CTNNA2: variants seen among roughly 807,000 people sequenced by gnomAD.
CTNNA2 encodes the protein catenin alpha-2.
A neutral mutation model predicts 101.0 loss-of-function variants in CTNNA2; 42 were observed. That is an observed-to-expected ratio of 0.42 (90% CI 0.32 to 0.54). The LOEUF is 0.54. Ranked by LOEUF, CTNNA2 falls within the 20% of genes least tolerant of loss-of-function variation. The probability of loss-of-function intolerance (pLI) is 0.14; values close to 1 mark genes in which losing one functional copy is unlikely to be tolerated. For missense variants in CTNNA2, 871 were observed against 1,223.1 expected (o/e 0.71, Z 4.29); for synonymous variants, 450 against 456.4 (o/e 0.99, Z 0.18).
intron 15 of CTNNA2, among the ~76,000 whole-genome samples, chr2:80,596,738 T>C (rs1469561309): frequency 1.3e-5 from 2 of 152,140 alleles, no homozygotes; most frequent in African/African-American, 2.4e-5. Context: ...GAACTTCCAA[T>C]ACTATGTTGA....
intron 7 of CTNNA2, among the ~76,000 whole-genome samples, chr2:79,939,250 G>T (rs562287997): frequency 4.3e-4 from 65 of 152,280 alleles, no homozygotes; most frequent in African/African-American, 1.4e-3. Context: ...TGTAGACATG[G>T]GTAGCTGAAG....
intron 7 of CTNNA2, among the ~76,000 whole-genome samples, chr2:80,212,053 T>G (rs773882308): frequency 6.6e-6 from 1 of 152,230 alleles, no homozygotes; most frequent in African/African-American, 2.4e-5. Flanking sequence ...CTAGTGATTT[T>G]TGCACATTTA....
chr2:79,662,910 C>G (rs975444006), intron 2 of CTNNA2, among the ~76,000 whole-genome samples: 1 of 152,192 alleles, frequency 6.6e-6, no homozygotes, highest in Admixed American at 6.5e-5. Flanking sequence ...GCTCTGCCTT[C>G]TCTTTGCTTT....
intron 7 of CTNNA2, among the ~76,000 whole-genome samples, chr2:79,936,947 T>C (rs368296998): frequency 6.6e-6 from 1 of 152,212 alleles, no homozygotes; most frequent in East Asian, 1.9e-4. Context: ...AGAGCCACTT[T>C]TCTTATCCTG....
At chr2:79,394,878 C>G (rs1377626347) in intron 4 of CTNNA2, among the ~76,000 whole-genome samples, 1 of 152,122 alleles carries the variant, frequency 6.6e-6, no homozygotes, top group African/African-American at 2.4e-5. Flanking sequence ...TCCAAATAGA[C>G]ACTATCACTT....
chr2:79,663,438 A>G (rs762497937), intron 2 of CTNNA2, among the ~76,000 whole-genome samples: 1 of 152,150 alleles, frequency 6.6e-6, no homozygotes, highest in African/African-American at 2.4e-5. Flanking sequence ...TGGCCCTTCA[A>G]TCACAATGCT....
At chr2:80,151,821 T>C (rs1703718977) in intron 7 of CTNNA2, among the ~76,000 whole-genome samples, 1 of 152,356 alleles carries the variant, frequency 6.6e-6, no homozygotes, top group East Asian at 1.9e-4. Context: ...CAGCTGCTGC[T>C]GCCAGTGCTG....
At chr2:80,261,704 A>G (rs933826125) in intron 7 of CTNNA2, among the ~76,000 whole-genome samples, 6 of 152,166 alleles carry the variant, frequency 3.9e-5, no homozygotes, top group African/African-American at 1.4e-4. Flanking sequence ...TGCTTTTCCT[A>G]AGGGCAAATA....
At chr2:79,916,337 G>A (rs1200392375) in intron 7 of CTNNA2, among the ~76,000 whole-genome samples, 3 of 151,986 alleles carry the variant, frequency 2.0e-5, no homozygotes, top group African/African-American at 7.2e-5. Context: ...CTACATTGGT[G>A]CCTGTGGTGA....
chr2:79,696,625 C>T (rs1223674250), intron 2 of CTNNA2, among the ~76,000 whole-genome samples: 2 of 152,004 alleles, frequency 1.3e-5, no homozygotes, highest in Admixed American at 6.6e-5. Context: ...CTTACAATCT[C>T]ACATGCCCAT....
chr2:79,276,264 A>G (rs1675210730), intron 2 of CTNNA2, among the ~76,000 whole-genome samples: 8 of 152,036 alleles, frequency 5.3e-5, no homozygotes, highest in Admixed American at 5.2e-4. Flanking sequence ...TTGCTTATGT[A>G]TTTGTTTTTA....
At chr2:79,464,131 A>T (rs1360829425) in intron 4 of CTNNA2, among the ~76,000 whole-genome samples, 1 of 151,484 alleles carries the variant, frequency 6.6e-6, no homozygotes, top group East Asian at 1.9e-4. Context: ...CTATCCTCCC[A>T]CTCCCATCAC....
chr2:80,093,491 A>G (rs904378750), intron 7 of CTNNA2, among the ~76,000 whole-genome samples: 1 of 152,210 alleles, frequency 6.6e-6, no homozygotes, highest in Non-Finnish European at 1.5e-5. Flanking sequence ...TTATAGCAGT[A>G]TGATTTATAA....
chr2:80,543,069 C>T (rs761389660), intron 9 of CTNNA2, among the ~76,000 whole-genome samples: 9 of 152,132 alleles, frequency 5.9e-5, no homozygotes, highest in Non-Finnish European at 1.2e-4. Flanking sequence ...TTGTGTATTC[C>T]AAATTACTGT....
intron 2 of CTNNA2, among the ~76,000 whole-genome samples, chr2:79,731,611 A>G (rs954175873): frequency 6.6e-6 from 1 of 152,074 alleles, no homozygotes; most frequent in Non-Finnish European, 1.5e-5. Context: ...ATACATTGAG[A>G]TGCGTGTGAG....
intron 1 of CTNNA2, among the ~76,000 whole-genome samples, chr2:79,584,412 G>A (rs1032187523): frequency 4.0e-4 from 61 of 150,870 alleles, no homozygotes; most frequent in Non-Finnish European, 1.9e-4. Context: ...GAATTCCTGG[G>A]TTTTTAATAT....
chr2:79,885,515 C>T (rs986211), intron 6 of CTNNA2, among the ~76,000 whole-genome samples: 138,074 of 152,230 alleles, frequency 0.91, 62,779 homozygotes, highest in African/African-American at 0.97. Flanking sequence ...AAATTTTCAC[C>T]AAGGATCTTG....
chr2:79,817,185 C>G (rs537022828), intron 3 of CTNNA2, among the ~76,000 whole-genome samples: 6 of 152,046 alleles, frequency 3.9e-5, no homozygotes, highest in Non-Finnish European at 8.8e-5. Flanking sequence ...ATCCCTTCCC[C>G]CTACCACAAC....
intron 15 of CTNNA2, among the ~76,000 whole-genome samples, chr2:80,602,744 A>T (rs1697659633): frequency 6.6e-6 from 1 of 152,094 alleles, no homozygotes; most frequent in African/African-American, 2.4e-5. Context: ...TACTGTCTGC[A>T]TTTTAAAATC....
Sources: allele counts gnomAD v4.1 joint callset (sites outside exome capture counted in the v4.1 genomes callset), GRCh38; gene constraint gnomAD v4.1.1; transcripts MANE v1.5; gene names NCBI Gene and HGNC (gene_info 2026-07-23, HGNC 2026-07-21).